SEMA6D: variants seen among roughly 807,000 people sequenced by gnomAD.
SEMA6D encodes semaphorin 6D.
SEMA6D carries 35 observed loss-of-function variants against 106.6 expected under a neutral mutation model. The observed-to-expected ratio is 0.33, with a 90% CI of 0.25 to 0.44. The LOEUF (loss-of-function observed/expected upper bound fraction) is 0.44, where lower values mean the gene tolerates loss of function less well. SEMA6D is among the 20% of genes least tolerant of loss of function. The pLI, the probability that SEMA6D is intolerant of heterozygous loss-of-function variation, is 1.00. For synonymous variants in SEMA6D, 499 were observed against 487.7 expected (o/e 1.02, Z -0.31); for missense variants, 1,185 against 1,345.9 (o/e 0.88, Z 1.87).
At chr15:47,213,526 C>G (rs282518) in intron 1 of SEMA6D, among the ~76,000 whole-genome samples, 1 of 152,062 alleles carries the variant, frequency 6.6e-6, no homozygotes, top group East Asian at 1.9e-4. Context: ...ATTTGTAATG[C>G]GTTTTGGTTC....
rs889696097 is a variant in SEMA6D, at chr15:47,268,146, G to A, written c.-239+83728G>A. ...TGCACATTAATGTTTGAAAGGCACT[G>A]CTGAAACTTTATTGCACATTGAAAT... On this transcript the variant is annotated intron_variant, in intron 1 of 19. Transcript: ENST00000558014. Among the ~76,000 whole-genome samples the A allele has an allele frequency of 2.6e-5, 4 of 152,188 alleles. No homozygotes were observed. The South Asian group carries it at 6.2e-4, about 24-fold the overall frequency.
At chr15:47,741,656 G>T (rs73394844) in intron 1 of SEMA6D, among the ~76,000 whole-genome samples, 15,469 of 152,156 alleles carry the variant, frequency 0.1, 2,224 homozygotes, top group African/African-American at 0.32. Flanking sequence ...GAAGGTTGCA[G>T]TGAGCCGAGA....
intron 4 of SEMA6D, among the ~76,000 whole-genome samples, chr15:47,668,024 T>A (rs2078062253): frequency 6.6e-6 from 1 of 152,210 alleles, no homozygotes. Flanking sequence ...ATGAAAATAT[T>A]TGAATTCTTT....
chr15:47,216,202 T>G (rs1423381562), intron 1 of SEMA6D, among the ~76,000 whole-genome samples: 2 of 152,214 alleles, frequency 1.3e-5, no homozygotes, highest in East Asian at 3.8e-4. Context: ...AAAACATTTT[T>G]CATGAGCATG....
intron 1 of SEMA6D, among the ~76,000 whole-genome samples, chr15:47,326,142 G>A (rs114118730): frequency 6.6e-6 from 1 of 152,102 alleles, no homozygotes; most frequent in Non-Finnish European, 1.5e-5. Context: ...TACCGAGACG[G>A]ATTCTCTAAT....
intron 2 of SEMA6D, among the ~76,000 whole-genome samples, chr15:47,432,635 C>G (rs373631526): frequency 1.6e-5 from 1 of 61,790 alleles, no homozygotes; most frequent in African/African-American, 5.6e-5. Context: ...AGTACTCAGC[C>G]CAAAAAAGAA....
chr15:47,460,551 A>C (rs1441259052), intron 2 of SEMA6D, among the ~76,000 whole-genome samples: 3 of 152,100 alleles, frequency 2.0e-5, no homozygotes, highest in Non-Finnish European at 4.4e-5. Context: ...GCTTGAGGAC[A>C]GTGTATAAGA....
intron 1 of SEMA6D, among the ~76,000 whole-genome samples, chr15:47,746,286 G>T (rs76225685): frequency 9.7e-4 from 148 of 152,292 alleles, no homozygotes; most frequent in African/African-American, 3.4e-3. Context: ...CAAACCTGAA[G>T]ATGTGAGCCT....
chr15:47,706,915 C>A (rs906780554), intron 4 of SEMA6D, among the ~76,000 whole-genome samples: 2 of 152,234 alleles, frequency 1.3e-5, no homozygotes, highest in African/African-American at 4.8e-5. Flanking sequence ...TTAACTAATA[C>A]CGTGATGCTC....
chr15:47,619,503 G>C (rs1566939347), intron 4 of SEMA6D, among the ~76,000 whole-genome samples: 1 of 152,204 alleles, frequency 6.6e-6, no homozygotes, highest in Non-Finnish European at 1.5e-5. Context: ...GTGAGCTTTA[G>C]CCAAGCTAAA....
intron 1 of SEMA6D, among the ~76,000 whole-genome samples, chr15:47,237,123 T>A (rs559816179): frequency 6.6e-6 from 1 of 152,262 alleles, no homozygotes; most frequent in African/African-American, 2.4e-5. Flanking sequence ...CCAATAGGAA[T>A]AAGGTTGAAC....
Position 47,263,775 on chromosome 15 carries a change from T to A in SEMA6D, c.-239+79357T>A, listed in dbSNP as rs555166186. 5.9e-5 allele frequency among the ~76,000 whole-genome samples: 9 copies of A among 151,930 alleles called. No individual in the cohort carries two copies. The South Asian group carries it at 1.7e-3, about 28-fold the overall frequency. ...TATGGCCACATAGTATTCTGTATTG[T>A]AGATGCATGACATATTCTTTATCCA... On this transcript the variant is annotated intron_variant, in intron 1 of 19. Transcript: ENST00000558014.
At chr15:47,531,828 TA>T (rs1417081755) in intron 3 of SEMA6D, among the ~76,000 whole-genome samples, 1 of 152,210 alleles carries the variant, frequency 6.6e-6, no homozygotes, top group Non-Finnish European at 1.5e-5. Context: ...AACTACCAAT[TA>T]GAGGTCATGT....
At chr15:47,541,230 A>G (rs144259292) in intron 3 of SEMA6D, among the ~76,000 whole-genome samples, 35 of 152,330 alleles carry the variant, frequency 2.3e-4, no homozygotes, top group African/African-American at 8.4e-4. Flanking sequence ...TAGGAAGGCT[A>G]GAGTTGGGAT....
intron 3 of SEMA6D, among the ~76,000 whole-genome samples, chr15:47,544,316 C>A (rs1358120256): frequency 6.6e-6 from 1 of 152,016 alleles, no homozygotes; most frequent in African/African-American, 2.4e-5. Context: ...AGCATGGGAA[C>A]CTTTGGGTTA....
At position 47,411,064 on chromosome 15, in the gene SEMA6D, A is replaced by G. The variant is rs548077134; in HGVS notation, c.-238-1329A>G. On this transcript the variant is annotated intron_variant, in intron 1 of 19. Coordinates refer to the SEMA6D transcript ENST00000558014. ...TCAGCTTTTCTTCTTGGTGGTCCTCATTTTCCAGATGATTCCTTAGCTGAG... is the reference window on the plus strand; with the variant it reads ...TCAGCTTTTCTTCTTGGTGGTCCTCGTTTTCCAGATGATTCCTTAGCTGAG... Among the ~76,000 whole-genome samples, 6 of 151,190 alleles carry G rather than the reference A, an allele frequency of 4.0e-5. No individual in the cohort carries two copies. The East Asian group carries it at 1.2e-3, about 30-fold the overall frequency.
chr15:47,301,199 A>G (rs2036003286), intron 1 of SEMA6D, among the ~76,000 whole-genome samples: 1 of 152,162 alleles, frequency 6.6e-6, no homozygotes, highest in Admixed American at 6.5e-5. Flanking sequence ...GATTTCTAAG[A>G]CACAAATTGA....
At position 47,257,248 on chromosome 15, in the gene SEMA6D, A is replaced by G. The variant is rs374054074; in HGVS notation, c.-239+72830A>G. ...AATTTTTTGTATTTTTAGTAGAGAC[A>G]GGGTTTCACCATGTTAGCTAGTATG... is the stretch of plus-strand genomic sequence containing the variant. On this transcript the variant is annotated intron_variant, in intron 1 of 19. Coordinates refer to the SEMA6D transcript ENST00000558014. Among the ~76,000 whole-genome samples, 677 of 152,116 alleles carry G rather than the reference A, an allele frequency of 4.5e-3. 9 individuals carry two copies. Among genetic ancestry groups the G allele is most frequent in the African/African-American group, 0.015 (617 of 41,494 alleles).
In SEMA6D at chr15:47,422,175, T is replaced by C. The variant is rs886276419; in HGVS notation, c.-159+9703T>C. Among the ~76,000 whole-genome samples, 8 of 113,574 alleles carry C rather than the reference T, an allele frequency of 7.0e-5. 1 individual carries two copies. The South Asian group carries it at 2.6e-3, about 37-fold the overall frequency. The allele number at this position is 113,574 out of a possible 152,430, so 74.5% of individuals were successfully genotyped here. A position where few individuals can be genotyped will look rare whatever the true frequency, so the allele number is the denominator to read the frequency against. On this transcript the variant is annotated intron_variant, in intron 2 of 19. Transcript: ENST00000558014. The stretch of plus-strand genomic sequence containing the variant: ...CACTCTTATTTTTTGCCCGCCCGCC[T>C]GCCTGCCTTCCTTCCTTCCTTCCTT...
Sources: gnomAD v4.1 joint callset for allele counts (sites outside exome capture counted in the v4.1 genomes callset) on GRCh38, gnomAD v4.1.1 for gene constraint, MANE v1.5 for transcripts, NCBI Gene and HGNC (gene_info 2026-07-23, HGNC 2026-07-21) for gene names.